The following GFPT1 variants were observed in gnomAD, a reference collection of about 807,000 sequenced individuals.
The protein encoded by GFPT1 is glutamine--fructose-6-phosphate aminotransferase [isomerizing] 1.
Under a neutral mutation model 92.0 loss-of-function variants are expected in GFPT1, and 40 were observed. The ratio of observed to expected loss-of-function variants is 0.43; its 90% CI spans 0.34 to 0.57. The LOEUF is 0.57. GFPT1 is among the 20% of genes least tolerant of loss of function. The probability of loss-of-function intolerance (pLI) is 0.02; values close to 1 mark genes in which losing one functional copy is unlikely to be tolerated. For synonymous variants in GFPT1, 269 were observed against 280.6 expected (o/e 0.96, Z 0.41); for missense variants, 448 against 869.1 (o/e 0.52, Z 6.09).
rs1393816324 is a variant in GFPT1, at chr2:69,319,952, T to G, written c.*6237A>C. 1 of 152,182 alleles carries G rather than the reference T, an allele frequency of 6.6e-6. No homozygotes were observed. The highest frequency in any genetic ancestry group is 2.4e-5 in the African/African-American group (1 of 41,460). 9.4% of individuals were successfully genotyped at this position (152,182 alleles called of 1,614,324 possible). A position where few individuals can be genotyped will look rare whatever the true frequency, so the allele number is the denominator to read the frequency against. ...ACATTCAAGTCTAGCAGAAAGAAAC[T>G]TGAAATTTAATGCAACGTTATTTCT... On this transcript the variant is annotated 3_prime_UTR_variant, in exon 20 of 20. Transcript: ENST00000357308.
intron 6 of GFPT1, among the ~76,000 whole-genome samples, chr2:69,357,743 TGTCTTTA>T (rs1328758810): frequency 2.6e-5 from 4 of 152,184 alleles, no homozygotes; most frequent in Admixed American, 2.0e-4. Context: ...AGATCTTTGA[TGTCTTTA>T]ATCTTTAATT....
chr2:69,368,761 C>T (rs757755061), intron 3 of GFPT1, among the ~76,000 whole-genome samples: 3 of 151,892 alleles, frequency 2.0e-5, no homozygotes, highest in Non-Finnish European at 2.9e-5. Context: ...AAGTTGACCA[C>T]GAAGAGGCAT....
At chr2:69,385,540 A>T (rs796741779) in intron 1 of GFPT1, among the ~76,000 whole-genome samples, 26 of 70,040 alleles carry the variant, frequency 3.7e-4, no homozygotes, top group African/African-American at 2.7e-3. Context: ...TTATTTATTT[A>T]TTTATTTTTT....
chr2:69,341,424 T>C (rs1414566983), intron 13 of GFPT1, among the ~76,000 whole-genome samples: 1 of 152,174 alleles, frequency 6.6e-6, no homozygotes, highest in African/African-American at 2.4e-5. Context: ...ACTGCTTAAA[T>C]AAATGGCTCC....
At chr2:69,377,807 C>G (rs1671914419) in intron 1 of GFPT1, among the ~76,000 whole-genome samples, 1 of 152,188 alleles carries the variant, frequency 6.6e-6, no homozygotes, top group Non-Finnish European at 1.5e-5. Flanking sequence ...CACTACTAGC[C>G]CAAGACATTC....
At chr2:69,326,779 A>T in intron 19 of GFPT1, 135 bp downstream of exon 19, 2 of 866,384 alleles carry the variant, frequency 2.3e-6, no homozygotes, top group Non-Finnish European at 1.9e-6. Flanking sequence ...AAATTGGGCC[A>T]TGAAAATATA....
chr2:69,384,539 C>T (rs1399577336), intron 1 of GFPT1, among the ~76,000 whole-genome samples: 13 of 151,348 alleles, frequency 8.6e-5, no homozygotes, highest in African/African-American at 2.9e-4. Context: ...TGGTGAAACC[C>T]CACCTCTACC....
Position 69,377,590 on chromosome 2 carries a change from GC to G in GFPT1, c.8-3478del, listed in dbSNP as rs372358149. Among the ~76,000 whole-genome samples, 717 of 151,952 alleles carry G rather than the reference GC, an allele frequency of 4.7e-3. 11 individuals carry two copies. The highest frequency in any genetic ancestry group is 0.012 in the Admixed American group (180 of 15,264). On this transcript the variant is annotated intron_variant, in intron 1 of 19. Transcript: ENST00000357308. ...CACGAGAATAGCTTGAACCTGGGAG[GC>G]AGAGGTTGCAGTGAACCTAGACTGC...
intron 2 of GFPT1, among the ~76,000 whole-genome samples, chr2:69,372,198 CA>C (rs534920006): frequency 0.035 from 1,857 of 52,732 alleles, 18 homozygotes; most frequent in African/African-American, 0.11. Flanking sequence ...GACTCCATCT[CA>C]AAAAAAAAAA....
chr2:69,329,506 A>T, intron 16 of GFPT1, 82 bp from the exon 17 acceptor site: 1 of 1,137,474 alleles, frequency 8.8e-7, no homozygotes, highest in Non-Finnish European at 1.3e-6. Flanking sequence ...ACAAAAGACC[A>T]GTGTTTCTAT....
chr2:69,360,791 G>A (rs1671454164), intron 4 of GFPT1, among the ~76,000 whole-genome samples: 1 of 152,126 alleles, frequency 6.6e-6, no homozygotes, highest in African/African-American at 2.4e-5. Context: ...CTGGAGTGAA[G>A]TGGCACGATC....
chr2:69,354,177 T>G, intron 9 of GFPT1, 82 bp downstream of exon 9: 1 of 937,354 alleles, frequency 1.1e-6, no homozygotes, highest in East Asian at 2.6e-5. Context: ...GCACATTCAT[T>G]CACTCCAAGA....
At chr2:69,367,002 T>G (rs187316186) in intron 3 of GFPT1, among the ~76,000 whole-genome samples, 1 of 152,382 alleles carries the variant, frequency 6.6e-6, no homozygotes, top group African/African-American at 2.4e-5. Flanking sequence ...TAGTCATCTG[T>G]GCTTTACATA....
intron 12 of GFPT1, among the ~76,000 whole-genome samples, chr2:69,343,660 C>G (rs1262042225): frequency 6.6e-6 from 1 of 152,124 alleles, no homozygotes; most frequent in Non-Finnish European, 1.5e-5. Flanking sequence ...AATCCACCCA[C>G]CTTGGCCTCC....
chr2:69,343,487 T>C (rs1671005585), intron 12 of GFPT1, among the ~76,000 whole-genome samples: 1 of 151,934 alleles, frequency 6.6e-6, no homozygotes, highest in African/African-American at 2.4e-5. Flanking sequence ...CTCGGCTCAC[T>C]GCAACCTCCA....
At chr2:69,364,204 C>G (rs1200727378) in intron 3 of GFPT1, among the ~76,000 whole-genome samples, 2 of 151,202 alleles carry the variant, frequency 1.3e-5, no homozygotes, top group Non-Finnish European at 2.9e-5. Context: ...TACTATATAC[C>G]CACAAAAATT....
chr2:69,346,703 T>C (rs1446320865), intron 11 of GFPT1, among the ~76,000 whole-genome samples: 2 of 152,056 alleles, frequency 1.3e-5, no homozygotes, highest in Non-Finnish European at 2.9e-5. Context: ...CATATATATA[T>C]ATAGAGTTAT....
intron 13 of GFPT1, 35 bp from the exon 14 acceptor site, chr2:69,338,600 C>A (rs1670859673): frequency 6.2e-7 from 1 of 1,610,966 alleles, no homozygotes; most frequent in Non-Finnish European, 8.5e-7. Flanking sequence ...ACAGAACTTT[C>A]CTTCAAATAC....
chr2:69,337,872 A>G, intron 15 of GFPT1, 26 bp downstream of exon 15: 2 of 1,592,304 alleles, frequency 1.3e-6, no homozygotes, highest in South Asian at 2.2e-5. Context: ...TTAAATAATC[A>G]TCAGAGAAAT....
Sources: allele counts gnomAD v4.1 joint callset (sites outside exome capture counted in the v4.1 genomes callset), GRCh38; gene constraint gnomAD v4.1.1; transcripts MANE v1.5; gene names NCBI Gene and HGNC (gene_info 2026-07-23, HGNC 2026-07-21).